Variants in NTRK2 observed in about 807,000 individuals in gnomAD.
NTRK2 encodes neurotrophic receptor tyrosine kinase 2.
In NTRK2, 13 loss-of-function variants were observed where a neutral mutation model predicts 94.5. The observed-to-expected ratio is 0.14, with a 90% CI of 0.09 to 0.22. The LOEUF is 0.22. Among genes scored for constraint, NTRK2 ranks in the 10% least tolerant of loss-of-function variants. The probability of loss-of-function intolerance (pLI) is 1.00; values close to 1 mark genes in which losing one functional copy is unlikely to be tolerated. For missense variants in NTRK2, 639 were observed against 1,071.2 expected, an observed-to-expected ratio of 0.60 and a Z score of 5.63; for synonymous variants, 372 against 407.4, an observed-to-expected ratio of 0.91 and a Z score of 1.05.
At chr9:84,888,861 T>C (rs991120012) in intron 14 of NTRK2, among the ~76,000 whole-genome samples, 8 of 151,824 alleles carry the variant, frequency 5.3e-5, no homozygotes, top group Non-Finnish European at 1.0e-4. Flanking sequence ...GTTGAGTCCA[T>C]GATCAGGACA....
At chr9:84,807,091 C>T (rs901519418) in intron 12 of NTRK2, among the ~76,000 whole-genome samples, 11 of 152,168 alleles carry the variant, frequency 7.2e-5, no homozygotes, top group African/African-American at 1.9e-4. Flanking sequence ...ATCTTTCTTC[C>T]GTTCCCTTCA....
chr9:84,743,342 T>C (rs1261670373), intron 10 of NTRK2, among the ~76,000 whole-genome samples: 2 of 152,200 alleles, frequency 1.3e-5, no homozygotes. Context: ...TTTATATTTA[T>C]ATATATTGAT....
chr9:84,965,419 T>A (rs528557398), intron 17 of NTRK2, among the ~76,000 whole-genome samples: 1 of 152,338 alleles, frequency 6.6e-6, no homozygotes, highest in Admixed American at 6.5e-5. Flanking sequence ...GGCAGTGTGA[T>A]ACATGTTATG....
rs563796622 is a variant in NTRK2 at position 85,001,801 on chromosome 9, C to T, written c.2173-18405C>T. ...AGTTGGATCCAGCTGTGAGATGCTG[C>T]GCTGGCCCCTGACTGACACAGAGCC... is the stretch of plus-strand genomic sequence containing the variant. On this transcript the variant is annotated intron_variant, in intron 17 of 18. Transcript: ENST00000277120. Among the ~76,000 whole-genome samples, 55 of 152,300 alleles carry T rather than the reference C, an allele frequency of 3.6e-4. 1 individual carries two copies. The South Asian group carries it at 8.5e-3, about 24-fold the overall frequency.
At chr9:84,802,333 C>G (rs1187278) in intron 12 of NTRK2, among the ~76,000 whole-genome samples, 127,863 of 152,150 alleles carry the variant, frequency 0.84, 53,887 homozygotes, top group East Asian at 0.91. Context: ...ATGCCCTTTA[C>G]AATCCAGGGT....
intron 15 of NTRK2, among the ~76,000 whole-genome samples, chr9:84,943,895 TG>T (rs2078498392): frequency 6.6e-6 from 1 of 152,192 alleles, no homozygotes; most frequent in African/African-American, 2.4e-5. Context: ...AAGATGATTT[TG>T]CCCAAGTTGT....
chr9:84,753,577 C>G (rs1050573632), intron 12 of NTRK2, among the ~76,000 whole-genome samples: 1 of 152,162 alleles, frequency 6.6e-6, no homozygotes, highest in South Asian at 2.1e-4. Flanking sequence ...GTAGAGACAT[C>G]GCAAACCAAA....
chr9:84,852,926 TA>T (rs1213062512), intron 12 of NTRK2, among the ~76,000 whole-genome samples: 1 of 152,154 alleles, frequency 6.6e-6, no homozygotes, highest in African/African-American at 2.4e-5. Context: ...ATTTTCAAAT[TA>T]AAGCAATATC....
chr9:84,772,036 ACTCAAC>A (rs2066600792), intron 12 of NTRK2, among the ~76,000 whole-genome samples: 1 of 152,034 alleles, frequency 6.6e-6, no homozygotes, highest in Admixed American at 6.6e-5. Flanking sequence ...TTCTTCTGTG[ACTCAAC>A]CTCTCTAAAT....
intron 9 of NTRK2, among the ~76,000 whole-genome samples, chr9:84,734,697 C>T (rs1050378783): frequency 1.3e-5 from 2 of 152,168 alleles, no homozygotes; most frequent in African/African-American, 4.8e-5. Context: ...ACACTCTTGC[C>T]TGCTGCCATG....
intron 15 of NTRK2, among the ~76,000 whole-genome samples, chr9:84,939,051 C>CAA (rs138558531): frequency 0.044 from 3,022 of 68,366 alleles, 261 homozygotes; most frequent in African/African-American, 0.15. Context: ...GACCCCAACT[C>CAA]AAAAAAAAAA....
intron 12 of NTRK2, among the ~76,000 whole-genome samples, chr9:84,754,125 C>T (rs976232060): frequency 2.0e-5 from 3 of 152,148 alleles, no homozygotes; most frequent in Admixed American, 1.3e-4. Flanking sequence ...AAAGCGTCTA[C>T]GTTTTCTGAG....
intron 14 of NTRK2, among the ~76,000 whole-genome samples, chr9:84,886,241 CAA>C (rs912496308): frequency 6.6e-6 from 1 of 152,152 alleles, no homozygotes; most frequent in African/African-American, 2.4e-5. Flanking sequence ...GAAATTCACC[CAA>C]AGAGGAAGTA....
intron 12 of NTRK2, among the ~76,000 whole-genome samples, chr9:84,790,060 G>C (rs1437305527): frequency 2.0e-5 from 3 of 152,138 alleles, no homozygotes; most frequent in Non-Finnish European, 2.9e-5. Flanking sequence ...ATTTGAGAAG[G>C]GACATTTTTT....
At chr9:84,805,297 T>A in intron 12 of NTRK2, among the ~76,000 whole-genome samples, 1 of 152,180 alleles carries the variant, frequency 6.6e-6, no homozygotes. Context: ...ATCTCAGTAA[T>A]TTTAGTTTTT....
intron 2 of NTRK2, among the ~76,000 whole-genome samples, chr9:84,700,043 T>G (rs1329483517): frequency 6.6e-6 from 1 of 151,906 alleles, no homozygotes; most frequent in African/African-American, 2.4e-5. Context: ...AGGAAAAGAG[T>G]GAGGAAGAAC....
chr9:84,874,634 G>A (rs1453585023), intron 14 of NTRK2: 3 of 1,061,842 alleles, frequency 2.8e-6, no homozygotes, highest in Non-Finnish European at 3.4e-6. Context: ...GAAATGGGGA[G>A]AGAGCTACTT....
At chr9:84,922,530 G>T (rs1056950936) in intron 14 of NTRK2, among the ~76,000 whole-genome samples, 1 of 152,192 alleles carries the variant, frequency 6.6e-6, no homozygotes, top group African/African-American at 2.4e-5. Context: ...GAGAGACTGT[G>T]TGGGCTTTGA....
At chr9:84,990,841 T>C (rs997734960) in intron 17 of NTRK2, among the ~76,000 whole-genome samples, 2 of 152,132 alleles carry the variant, frequency 1.3e-5, no homozygotes, top group African/African-American at 4.8e-5. Context: ...GGGGAATGAA[T>C]GGAAGTGTTT....
Sources: allele counts gnomAD v4.1 joint callset (sites outside exome capture counted in the v4.1 genomes callset), GRCh38; gene constraint gnomAD v4.1.1; transcripts MANE v1.5; gene names NCBI Gene and HGNC (gene_info 2026-07-23, HGNC 2026-07-21).